Variants in ASIP observed in about 807,000 individuals in gnomAD.
ASIP encodes the protein agouti signaling protein.
Under a neutral mutation model 10.3 loss-of-function variants are expected in ASIP, and 11 were observed. That is an observed-to-expected ratio of 1.07 (90% confidence interval 0.68 to 1.78). ASIP has a LOEUF of 1.78. Ranked by LOEUF, ASIP falls within the 40% of genes most tolerant of loss-of-function variation. The probability of loss-of-function intolerance (pLI) is 0.00; values close to 1 mark genes in which losing one functional copy is unlikely to be tolerated. For missense variants in ASIP, 180 were observed against 169.2 expected (o/e 1.06, Z -0.35); for synonymous variants, 70 against 70.8 (o/e 0.99, Z 0.06).
chr20:34,195,127 C>T (rs1377400918), intron 1 of ASIP, among the ~76,000 whole-genome samples: 1 of 138,526 alleles, frequency 7.2e-6, no homozygotes, highest in African/African-American at 3.4e-5. Context: ...TGAGAAGGTA[C>T]CAGAAAAAAA....
intron 1 of ASIP, among the ~76,000 whole-genome samples, chr20:34,230,680 A>G (rs79372974): frequency 0.26 from 2,924 of 11,456 alleles, 636 homozygotes; most frequent in East Asian, 0.5. Context: ...GGGCAGAGGC[A>G]CCCCTCACCT....
intron 3 of ASIP, among the ~76,000 whole-genome samples, chr20:34,264,023 TG>T (rs2035742793): frequency 6.6e-6 from 1 of 152,066 alleles, no homozygotes. Flanking sequence ...AAAAAACAGG[TG>T]AATCTTGTTA....
intron 1 of ASIP, among the ~76,000 whole-genome samples, chr20:34,200,095 T>A (rs1277913051): frequency 6.6e-6 from 1 of 152,224 alleles, no homozygotes; most frequent in East Asian, 1.9e-4. Flanking sequence ...TTAAGATTAG[T>A]GCCTTTTCAT....
chr20:34,248,167 C>T (rs1318599364), intron 1 of ASIP, among the ~76,000 whole-genome samples: 3 of 151,876 alleles, frequency 2.0e-5, no homozygotes, highest in Non-Finnish European at 4.4e-5. Flanking sequence ...GATCGCACCA[C>T]TGCACTCCAG....
intron 1 of ASIP, among the ~76,000 whole-genome samples, chr20:34,203,237 AT>A (rs545215369): frequency 6.6e-6 from 1 of 152,058 alleles, no homozygotes; most frequent in Non-Finnish European, 1.5e-5. Flanking sequence ...ACAATATTAA[AT>A]TTTTTTATCC....
chr20:34,217,814 G>A (rs1324607111), intron 1 of ASIP, among the ~76,000 whole-genome samples: 2 of 152,136 alleles, frequency 1.3e-5, no homozygotes, highest in African/African-American at 2.4e-5. Flanking sequence ...CGCCCGCCTC[G>A]GCCTCCCAAA....
At chr20:34,196,706 C>A (rs1018393084) in intron 1 of ASIP, among the ~76,000 whole-genome samples, 1 of 152,136 alleles carries the variant, frequency 6.6e-6, no homozygotes, top group East Asian at 1.9e-4. Context: ...CCCATACCTG[C>A]GTAGCCGGTT....
At chr20:34,235,829 GAAA>G (rs2035179360) in intron 1 of ASIP, among the ~76,000 whole-genome samples, 1 of 62,684 alleles carries the variant, frequency 1.6e-5, no homozygotes, top group Admixed American at 1.9e-4. Context: ...AAGAAAGAAA[GAAA>G]GAAAGAAAGA....
chr20:34,258,902 A>G (rs1482325173), intron 1 of ASIP, among the ~76,000 whole-genome samples: 1 of 133,392 alleles, frequency 7.5e-6, no homozygotes, highest in Non-Finnish European at 1.6e-5. Flanking sequence ...TATATAGTGT[A>G]TATATATATA....
chr20:34,267,525 C>T (rs896543434), intron 3 of ASIP, among the ~76,000 whole-genome samples: 4 of 147,382 alleles, frequency 2.7e-5, no homozygotes, highest in South Asian at 4.3e-4. Context: ...TTGCTTATGG[C>T]CACTTTATTT....
chr20:34,246,014 G>T, intron 1 of ASIP: 1 of 1,031,044 alleles, frequency 9.7e-7, no homozygotes, highest in Non-Finnish European at 1.5e-6. Context: ...CCATTTTTCT[G>T]AATGACATGA....
intron 1 of ASIP, among the ~76,000 whole-genome samples, chr20:34,216,784 GTCTAC>G (rs1383485976): frequency 6.6e-6 from 1 of 152,122 alleles, no homozygotes; most frequent in Non-Finnish European, 1.5e-5. Flanking sequence ...ATCTGTATCT[GTCTAC>G]TCTAGCTTTG....
chr20:34,246,547 C>T (rs2035378883), intron 1 of ASIP: 1 of 941,850 alleles, frequency 1.1e-6, no homozygotes, highest in African/African-American at 1.6e-5. Flanking sequence ...CTCACTGCAA[C>T]CTCTGCCTCC....
chr20:34,262,682 G>A, intron 2 of ASIP, 150 bp from the exon 3 acceptor site: 4 of 775,974 alleles, frequency 5.2e-6, no homozygotes, highest in Non-Finnish European at 8.6e-6. Context: ...AGAACCTACT[G>A]GCTTGAGTCC....
intron 1 of ASIP, among the ~76,000 whole-genome samples, chr20:34,196,457 G>A (rs1054628965): frequency 2.6e-5 from 4 of 152,086 alleles, no homozygotes; most frequent in Admixed American, 1.3e-4. Flanking sequence ...ACAGGCGTGA[G>A]CCACCGCGCC....
intron 1 of ASIP, among the ~76,000 whole-genome samples, chr20:34,223,469 C>T (rs1391319722): frequency 5.7e-5 from 8 of 139,944 alleles, no homozygotes; most frequent in Admixed American, 7.0e-5. Context: ...CGTCTCCGCC[C>T]GGCAGCCACC....
intron 3 of ASIP, among the ~76,000 whole-genome samples, chr20:34,264,670 C>T (rs547064919): frequency 2.6e-5 from 4 of 151,962 alleles, no homozygotes; most frequent in East Asian, 1.9e-4. Flanking sequence ...AGTAAACTTA[C>T]GGTATCAATA....
intron 1 of ASIP, among the ~76,000 whole-genome samples, chr20:34,233,390 G>A (rs2035137978): frequency 6.6e-6 from 1 of 151,908 alleles, no homozygotes; most frequent in Admixed American, 6.6e-5. Context: ...CTCATGATCT[G>A]CCCACCTCGG....
At chr20:34,208,718 T>C (rs2034953649) in intron 1 of ASIP, among the ~76,000 whole-genome samples, 1 of 152,204 alleles carries the variant, frequency 6.6e-6, no homozygotes, top group Admixed American at 6.5e-5. Context: ...AGTATGGACA[T>C]TTTAACAATA....
Sources: gnomAD v4.1 joint callset for allele counts (sites outside exome capture counted in the v4.1 genomes callset) on GRCh38, gnomAD v4.1.1 for gene constraint, MANE v1.5 for transcripts, NCBI Gene and HGNC (gene_info 2026-07-23, HGNC 2026-07-21) for gene names.